The following EIF2D variants were observed in gnomAD, a reference collection of about 807,000 sequenced individuals.
EIF2D encodes hepatocellular carcinoma-associated antigen 56.
A neutral mutation model predicts 77.4 loss-of-function variants in EIF2D; 56 were observed. The ratio of observed to expected loss-of-function variants is 0.72; its 90% CI spans 0.58 to 0.90. EIF2D has a LOEUF of 0.90. Ranked by LOEUF, EIF2D falls within the 40% of genes least tolerant of loss-of-function variation. The pLI is 0.00. For missense variants in EIF2D, 574 were observed against 706.5 expected, an observed-to-expected ratio of 0.81 and a Z score of 2.13; for synonymous variants, 230 against 271.0, an observed-to-expected ratio of 0.85 and a Z score of 1.49.
At chr1:206,569,196 G>A (rs868954298), downstream of EIF2D, among the ~76,000 whole-genome samples, 6 of 152,350 alleles carry the variant, frequency 3.9e-5, no homozygotes, top group South Asian at 2.1e-4. Context: ...GTATTCGCGG[G>A]AGCCTTCAGA....
In EIF2D at chr1:206,609,944, A is replaced by G. The variant is rs958200598; in HGVS notation, c.248-485T>C. 3.9e-5 allele frequency among the ~76,000 whole-genome samples: 6 copies of G among 152,194 alleles called. No individual in the cohort carries two copies. In the East Asian group the frequency reaches 9.6e-4, roughly 24 times the overall value. ...GGCAGGAGTGGCCTAAGGATATTGC[A>G]TTGCACTATTGCAGACAACCCTGGA... On this transcript the variant is annotated intron_variant, in intron 2 of 14. Transcript: ENST00000271764.
At chr1:206,611,129 G>A (rs1157180319) in intron 2 of EIF2D, 55 bp downstream of exon 2, 2 of 1,490,862 alleles carry the variant, frequency 1.3e-6, no homozygotes, top group African/African-American at 1.4e-5. Flanking sequence ...GAGAGAAGCA[G>A]ATGTTAGGCA....
At chr1:206,585,608 T>A in intron 2 of EIF2D, 1 of 224,582 alleles carries the variant, frequency 4.5e-6, no homozygotes, top group Non-Finnish European at 8.9e-6. Context: ...GCACAGGCTG[T>A]TTTTGCTTCA....
chr1:206,586,808 C>G, downstream of EIF2D: 1 of 1,602,106 alleles, frequency 6.2e-7, no homozygotes, highest in Non-Finnish European at 8.5e-7. Context: ...TCCCACAAAT[C>G]TCCCTCTCGC....
intron 2 of EIF2D, 75 bp downstream of exon 2, chr1:206,611,109 G>T: frequency 7.2e-7 from 1 of 1,393,772 alleles, no homozygotes; most frequent in Non-Finnish European, 9.8e-7. Context: ...GGGAGACAAT[G>T]GAAGAAACAG....
chr1:206,601,581 A>T (rs1553411292), intron 7 of EIF2D: 1 of 152,230 alleles, frequency 6.6e-6, no homozygotes, highest in Non-Finnish European at 1.5e-5. Context: ...AAAACAAAAA[A>T]TAAATAAATA....
In EIF2D at chr1:206,592,365, G is replaced by A. The variant is rs1669380374; in HGVS notation, c.1685-520C>T. Among the ~76,000 whole-genome samples the A allele has an allele frequency of 6.6e-6, 1 of 152,246 alleles. No homozygotes were observed. Among genetic ancestry groups the A allele is most frequent in the Non-Finnish European group, 1.5e-5 (1 of 68,048 alleles). The stretch of plus-strand genomic sequence containing the variant: ...GGAAATATAAACACAATTGGAAAGT[G>A]CTACATTAGCAATGTTTAAAATGCT... On this transcript the variant is annotated intron_variant, in intron 14 of 14. Transcript: ENST00000271764. This position sits in a 1 kb window ranked among gnomAD's most constrained non-coding sequence, Gnocchi z 4.7.
chr1:206,594,097 T>C, intron 13 of EIF2D: 1 of 199,948 alleles, frequency 5.0e-6, no homozygotes, highest in Non-Finnish European at 1.0e-5. Flanking sequence ...AGCAGAATAG[T>C]ATATAAACCC....
At chr1:206,586,762 C>T (rs1186077694), downstream of EIF2D, 18 of 1,279,130 alleles carry the variant, frequency 1.4e-5, no homozygotes, top group South Asian at 2.6e-5. Flanking sequence ...TCTCTCAGGT[C>T]GTGTCAACTT....
chr1:206,603,284 G>A, intron 5 of EIF2D, 80 bp from the exon 6 acceptor site: 2 of 1,545,328 alleles, frequency 1.3e-6, no homozygotes, highest in Non-Finnish European at 1.7e-6. Context: ...TCAGCAGTGA[G>A]GTCAGAGACA....
chr1:206,605,402 C>A lies in EIF2D; in HGVS notation c.528G>T (p.Leu176Phe). The part of the protein sequence containing the change: ...FSVLHTYQDH[L>F]WRSGNKSSPP... Reference sequence around the variant, plus strand: ...AACAGAAGAAACTCTGTACCCACCACAAGTGGTCCTGGTAAGTGTGGAGCA... The same window carrying A: ...AACAGAAGAAACTCTGTACCCACCAAAAGTGGTCCTGGTAAGTGTGGAGCA... Residue 176 changes from leucine (L) to phenylalanine (F), a missense_variant and splice_region_variant, in exon 5 of 15, where the codon TTG (leucine) becomes TTT (phenylalanine). Physicochemically the swap from Leu to Phe is conservative, Grantham distance 22 (BLOSUM62 0). Transcript: ENST00000271764. 1 of 1,613,710 alleles carries A rather than the reference C, an allele frequency of 6.2e-7. No homozygotes were observed. Among genetic ancestry groups the A allele is most frequent in the Non-Finnish European group, 8.5e-7 (1 of 1,179,726 alleles).
chr1:206,579,096 A>G lies in EIF2D; in HGVS notation c.*254+1596T>C, dbSNP rs1330454647. ...ACATGGCTGTTCCCCAATCACCTCC[A>G]GAGCTAAAAGAAGACATTGCCCTTT... is the stretch of plus-strand genomic sequence containing the variant. On this transcript the variant is annotated intron_variant and NMD_transcript_variant, in intron 4 of 5. Coordinates refer to the EIF2D transcript ENST00000472709. The surrounding 1 kb of genome is among the most constrained non-coding windows in gnomAD (Gnocchi z 4.2). Among the ~76,000 whole-genome samples the G allele has an allele frequency of 6.6e-6, 1 of 152,166 alleles. No individual in the cohort carries two copies. The highest frequency in any genetic ancestry group is 6.5e-5 in the Admixed American group (1 of 15,282).
In EIF2D at chr1:206,599,069, C is replaced by G; in HGVS notation, c.1226G>C (p.Ser409Thr). The G allele has an allele frequency of 6.2e-7, 1 of 1,614,190 alleles. No homozygotes were observed. The highest frequency in any genetic ancestry group is 8.5e-7 in the Non-Finnish European group (1 of 1,180,034). The change falls in exon 11 of 15, where the codon AGT (serine) becomes ACT (threonine). Residue 409 changes from serine (S) to threonine (T), a missense_variant. Coordinates refer to ENST00000271764, the MANE Select transcript of EIF2D (RefSeq NM_006893.3). This position sits in a 1 kb window ranked among gnomAD's most constrained non-coding sequence, Gnocchi z 4.1. ...GTTAATGACGATCGTTCGGACCTCA[C>G]TGCCCTCCAGAAAGCTCCCCTTCCT... is the stretch of plus-strand genomic sequence containing the variant. ...GHKKGSFLEGSEVRTIVINYA... is the reference protein window; with the variant it reads ...GHKKGSFLEGTEVRTIVINYA...
In EIF2D at chr1:206,584,745, A is replaced by T. The variant is rs4418597; in HGVS notation, c.139-3583T>A. On this transcript the variant is annotated intron_variant and NMD_transcript_variant, in intron 2 of 5. Transcript: ENST00000472709. This position sits in a 1 kb window ranked among gnomAD's most constrained non-coding sequence, Gnocchi z 4.9. ...TTCCTACCTGTGTCCAAGCCCACCC[A>T]CTAAAACTCCTGCCGGCCTTGGGTG... The T allele has an allele frequency of 0.2, 311,917 of 1,578,348 alleles. 32,498 individuals carry two copies. The highest frequency in any genetic ancestry group is 0.32 in the Admixed American group (18,432 of 57,032).
intron 5 of EIF2D, among the ~76,000 whole-genome samples, chr1:206,572,435 G>A (rs1668482269): frequency 6.6e-6 from 1 of 152,162 alleles, no homozygotes; most frequent in Non-Finnish European, 1.5e-5. Flanking sequence ...AGCACATGGT[G>A]CCCCTGGGAT....
rs1669801758 is a variant in EIF2D, at chr1:206,599,221, T to C, written c.1203-129A>G. The C allele has an allele frequency of 4.2e-6, 4 of 953,264 alleles. No homozygotes were observed. The East Asian group carries it at 1.0e-4, about 24-fold the overall frequency. 59.1% of individuals were successfully genotyped at this position (953,264 alleles called of 1,614,324 possible). A position where few individuals can be genotyped will look rare whatever the true frequency, so the allele number is the denominator to read the frequency against. On this transcript the variant is annotated intron_variant, in intron 10 of 14. Coordinates refer to ENST00000271764, the MANE Select transcript of EIF2D (RefSeq NM_006893.3). The surrounding 1 kb of genome is among the most constrained non-coding windows in gnomAD (Gnocchi z 4.1). ...TTTCGGCCTCTAGTTTCTTCCCTTTTCCTGACTGAAGTGAGCATGACCATG... is the reference window on the plus strand; with the variant it reads ...TTTCGGCCTCTAGTTTCTTCCCTTTCCCTGACTGAAGTGAGCATGACCATG...
chr1:206,599,489 G>A lies in EIF2D; in HGVS notation c.1176C>T (p.Thr392=), dbSNP rs116289086. The change falls in exon 10 of 15, where the codon ACC becomes ACT. Residue 392 remains threonine, a synonymous_variant. Coordinates refer to ENST00000271764, the MANE Select transcript of EIF2D (RefSeq NM_006893.3). The surrounding 1 kb of genome is among the most constrained non-coding windows in gnomAD (Gnocchi z 4.1). ...TGTGGCCAGACTCCTGGAAGAGCAG[G>A]GTCATGCTGGCTGGGACACAGTAGA... is the stretch of plus-strand genomic sequence containing the variant. ...KPLYCVPASM[T]LLFQESGHKK... is the part of the protein sequence containing the mutation. 1.6e-5 allele frequency: 26 copies of A among 1,613,838 alleles called. No homozygotes were observed. In the East Asian group the frequency reaches 5.8e-4, roughly 36 times the overall value.
rs1279927343 is a variant in EIF2D at position 206,595,782 on chromosome 1, A to G, written c.1445T>C (p.Ile482Thr). 2.5e-6 allele frequency: 4 copies of G among 1,614,042 alleles called. No homozygotes were observed. Among genetic ancestry groups the G allele is most frequent in the Non-Finnish European group, 3.4e-6 (4 of 1,180,036 alleles). The change falls in exon 13 of 15, where the codon ATT becomes ACT. Residue 482 changes from isoleucine to threonine, a missense_variant. Transcript: ENST00000271764. ...TGGACAGATTCTCCCTTTCTTCACAATGGGCTCTTGTCCGGGAAGGGTCAC... is the reference window on the plus strand; with the variant it reads ...TGGACAGATTCTCCCTTTCTTCACAGTGGGCTCTTGTCCGGGAAGGGTCAC... Reference protein sequence around the residue: ...YQVTLPGQEPIVKKGRICPID... With the variant: ...YQVTLPGQEPTVKKGRICPID...
chr1:206,593,506 A>AGTGTGTGTGTGTGCGTGT (rs1286437460), intron 14 of EIF2D, 113 bp downstream of exon 14: 6 of 442,728 alleles, frequency 1.4e-5, no homozygotes, highest in African/African-American at 4.9e-5. Context: ...AGAGAGAGAG[A>AGTGTGTGTGTGTGCGTGT]GAGTGTGTGT....
Sources: allele counts gnomAD v4.1 joint callset (sites outside exome capture counted in the v4.1 genomes callset), GRCh38; gene constraint gnomAD v4.1.1; non-coding constraint Gnocchi (gnomAD v3.1); transcripts MANE v1.5; gene names NCBI Gene and HGNC (gene_info 2026-07-23, HGNC 2026-07-21).